Variants in SFXN5 observed in about 807,000 individuals in gnomAD.
SFXN5 encodes the protein sideroflexin 5.
SFXN5 carries 43 observed loss-of-function variants against 50.2 expected under a neutral mutation model. That is an observed-to-expected ratio of 0.86 (90% CI 0.67 to 1.11). The LOEUF is 1.11. SFXN5 is among the 50% of genes least tolerant of loss of function. The pLI is 0.00. For missense variants in SFXN5, 463 were observed against 454.1 expected (o/e 1.02, Z -0.18); for synonymous variants, 203 against 185.8 (o/e 1.09, Z -0.75).
chr2:73,016,818 T>C (rs1221969925), intron 6 of SFXN5, among the ~76,000 whole-genome samples: 1 of 152,224 alleles, frequency 6.6e-6, no homozygotes, highest in Admixed American at 6.5e-5. Flanking sequence ...TTACGCCTGA[T>C]AAACCCATCA....
At chr2:73,068,961 G>A (rs1683375217) in intron 1 of SFXN5, among the ~76,000 whole-genome samples, 1 of 151,672 alleles carries the variant, frequency 6.6e-6, no homozygotes, top group African/African-American at 2.4e-5. Context: ...TGGCCCAGTG[G>A]TGGGAGGGAA....
At chr2:72,971,496 A>C in intron 11 of SFXN5, 74 bp downstream of exon 11, 2 of 1,028,838 alleles carry the variant, frequency 1.9e-6, no homozygotes, top group Non-Finnish European at 3.0e-6. Flanking sequence ...AGCCTGTGGA[A>C]GACACACGCT....
Position 72,942,862 on chromosome 2 carries a change from GGGTGGGTA to G in SFXN5, c.*2152_*2159del, listed in dbSNP as rs1232334363. On this transcript the variant is annotated 3_prime_UTR_variant, in exon 14 of 14. Coordinates refer to ENST00000272433, the MANE Select transcript of SFXN5 (RefSeq NM_144579.3). The stretch of plus-strand genomic sequence containing the variant: ...CCTCTGGCAGGGGGAGGGCGGGAAG[GGGTGGGTA>G]GGCAGTTTTGGTCCCAAGATAAAGT... 1.3e-5 allele frequency: 2 copies of G among 152,232 alleles called. No individual in the cohort carries two copies. Among genetic ancestry groups the G allele is most frequent in the Non-Finnish European group, 2.9e-5 (2 of 68,062 alleles). The allele number at this position is 152,232 out of a possible 1,614,324, so 9.4% of individuals were successfully genotyped here.
At chr2:73,019,483 C>T (rs1676577197) in intron 6 of SFXN5, 1 of 142,976 alleles carries the variant, frequency 7.0e-6, no homozygotes, top group African/African-American at 2.6e-5. Flanking sequence ...GCCTGGAGTG[C>T]ACTGGCGCGA....
chr2:72,955,534 C>G (rs1446872933), intron 13 of SFXN5, among the ~76,000 whole-genome samples: 2 of 152,224 alleles, frequency 1.3e-5, no homozygotes, highest in African/African-American at 4.8e-5. Context: ...AAGATTGAAG[C>G]AGAAACAGAG....
At chr2:73,009,767 A>G (rs1675259762) in intron 6 of SFXN5, among the ~76,000 whole-genome samples, 1 of 152,204 alleles carries the variant, frequency 6.6e-6, no homozygotes, top group African/African-American at 2.4e-5. Context: ...CCTGAATGGC[A>G]GGGGAGTGGA....
intron 2 of SFXN5, among the ~76,000 whole-genome samples, chr2:73,046,827 C>T (rs937833751): frequency 2.0e-5 from 3 of 151,880 alleles, no homozygotes; most frequent in African/African-American, 7.3e-5. Context: ...TTACACTATC[C>T]AGTGCTGTCT....
intron 9 of SFXN5, chr2:72,998,221 C>A (rs1391752730): frequency 6.7e-6 from 1 of 149,770 alleles, no homozygotes; most frequent in East Asian, 2.0e-4. Flanking sequence ...GACAGCCAGA[C>A]GTAGGTACAG....
At chr2:73,061,245 T>G (rs913367300) in intron 1 of SFXN5, among the ~76,000 whole-genome samples, 2 of 150,576 alleles carry the variant, frequency 1.3e-5, no homozygotes, top group African/African-American at 4.9e-5. Flanking sequence ...GAGGTGGAGG[T>G]TGCAGCGAGC....
intron 3 of SFXN5, among the ~76,000 whole-genome samples, chr2:73,025,229 T>A (rs1479410364): frequency 6.6e-6 from 1 of 151,536 alleles, no homozygotes; most frequent in Non-Finnish European, 1.5e-5. Flanking sequence ...CACCCTCAAG[T>A]CTGGGCTCTG....
At chr2:73,050,388 G>GCGCGCACAAACACACA in intron 2 of SFXN5, among the ~76,000 whole-genome samples, 1 of 143,912 alleles carries the variant, frequency 6.9e-6, no homozygotes, top group African/African-American at 2.8e-5. Flanking sequence ...CAGCCACAGC[G>GCGCGCACAAACACACA]CACGCACACA....
chr2:72,948,661 T>G (rs548379547), intron 13 of SFXN5, among the ~76,000 whole-genome samples: 2 of 152,232 alleles, frequency 1.3e-5, no homozygotes, highest in South Asian at 2.1e-4. Flanking sequence ...GACCGAGGCC[T>G]CCTCCTCCTG....
intron 9 of SFXN5, 184 bp downstream of exon 9, chr2:72,998,765 G>T: frequency 1.6e-6 from 1 of 625,126 alleles, no homozygotes; most frequent in Non-Finnish European, 2.8e-6. Flanking sequence ...GGAGCACCAG[G>T]TTGTGCTCTG....
rs551789186 is a variant in SFXN5 at position 72,979,396 on chromosome 2, G to A, written c.626-7711C>T. 3.3e-5 allele frequency among the ~76,000 whole-genome samples: 5 copies of A among 152,254 alleles called. 1 individual carries two copies. The highest frequency in any genetic ancestry group is 1.2e-4 in the African/African-American group (5 of 41,548). On this transcript the variant is annotated intron_variant, in intron 10 of 13. Coordinates refer to ENST00000272433, the MANE Select transcript of SFXN5 (RefSeq NM_144579.3). ...TGCCTGTAATCCCAGCACTTTGAGA[G>A]GCCAAGGCGGGTGGATCACCTGAGG... is the stretch of plus-strand genomic sequence containing the variant.
chr2:73,036,397 C>T (rs1678987306), intron 3 of SFXN5, among the ~76,000 whole-genome samples: 1 of 152,120 alleles, frequency 6.6e-6, no homozygotes, highest in East Asian at 1.9e-4. Flanking sequence ...GCCATAGTGG[C>T]AGGCTCACAC....
intron 6 of SFXN5, among the ~76,000 whole-genome samples, chr2:73,017,357 G>C (rs1272055801): frequency 6.6e-6 from 1 of 152,066 alleles, no homozygotes; most frequent in African/African-American, 2.4e-5. Flanking sequence ...ATCAAAAAAA[G>C]TAAATTAATA....
At chr2:73,063,302 CTA>C in intron 1 of SFXN5, among the ~76,000 whole-genome samples, 1 of 152,280 alleles carries the variant, frequency 6.6e-6, no homozygotes, top group African/African-American at 2.4e-5. Flanking sequence ...AGAGACAAAC[CTA>C]TAGTCTGACC....
At chr2:73,051,734 A>T (rs1428391953) in intron 2 of SFXN5, among the ~76,000 whole-genome samples, 1 of 152,190 alleles carries the variant, frequency 6.6e-6, no homozygotes, top group Non-Finnish European at 1.5e-5. Context: ...AAAGAACAGA[A>T]ATTTATTTCT....
At chr2:72,968,258 G>A (rs763569906) in intron 12 of SFXN5, among the ~76,000 whole-genome samples, 190 bp downstream of exon 12, 37 of 151,916 alleles carry the variant, frequency 2.4e-4, no homozygotes, top group Admixed American at 5.9e-4. Context: ...AAAAGTCCAA[G>A]AATTCTCACA....
Sources: gnomAD v4.1 joint callset for allele counts (sites outside exome capture counted in the v4.1 genomes callset) on GRCh38, gnomAD v4.1.1 for gene constraint, MANE v1.5 for transcripts, NCBI Gene and HGNC (gene_info 2026-07-23, HGNC 2026-07-21) for gene names.